The following FAF1 variants were observed in gnomAD, a reference collection of about 807,000 sequenced individuals.
The protein encoded by FAF1 is Fas associated factor 1.
Under a neutral mutation model 92.5 loss-of-function variants are expected in FAF1, and 25 were observed. That is an observed-to-expected ratio of 0.27 (90% CI 0.20 to 0.38). FAF1 has a LOEUF of 0.38. Ranked by LOEUF, FAF1 falls within the 10% of genes least tolerant of loss-of-function variation. The pLI is 1.00. For synonymous variants in FAF1, 234 were observed against 273.2 expected, an observed-to-expected ratio of 0.86 and a Z score of 1.42; for missense variants, 636 against 793.3, an observed-to-expected ratio of 0.80 and a Z score of 2.38.
intron 6 of FAF1, 82 bp downstream of exon 6, chr1:50,738,780 AT>A (rs1659241628): frequency 2.4e-6 from 2 of 847,488 alleles, no homozygotes; most frequent in Non-Finnish European, 3.9e-6. Context: ...ATTTGATTTA[AT>A]TTTGAGGTTT....
At chr1:50,855,897 T>C (rs1013693231) in intron 2 of FAF1, among the ~76,000 whole-genome samples, 1 of 151,828 alleles carries the variant, frequency 6.6e-6, no homozygotes, top group Admixed American at 6.6e-5. Flanking sequence ...TGCACAAATA[T>C]AACACCAGTG....
chr1:50,884,148 C>T (rs927667329), intron 1 of FAF1, among the ~76,000 whole-genome samples: 2 of 152,018 alleles, frequency 1.3e-5, no homozygotes, highest in Non-Finnish European at 2.9e-5. Flanking sequence ...ATGATGTCTA[C>T]AAGTTACTTT....
At chr1:50,550,159 G>A (rs1649238585) in intron 13 of FAF1, among the ~76,000 whole-genome samples, 4 of 151,886 alleles carry the variant, frequency 2.6e-5, no homozygotes, top group Admixed American at 1.3e-4. Context: ...AGCCCATCCT[G>A]GCTAACATGG....
rs375037535 is a variant in FAF1, at chr1:50,539,677, A to G, written c.1320T>C (p.Ile440=). ...GAAACTGATCCGTTTTTTGAGTCCG[A>G]ATGGTTTGTGCCACAACACTGCCAA... ...RHFGSVVAQT[I]RTQKTDQFPL... is the part of the protein sequence containing the mutation. The change falls in exon 14 of 19, where the codon ATT becomes ATC. Residue 440 remains isoleucine (I), a synonymous_variant. Coordinates refer to ENST00000396153, the MANE Select transcript of FAF1 (RefSeq NM_007051.3). 7 of 1,612,338 alleles carry G rather than the reference A, an allele frequency of 4.3e-6. No homozygotes were observed. The highest frequency in any genetic ancestry group is 5.9e-6 in the Non-Finnish European group (7 of 1,178,678).
At chr1:50,609,190 T>G (rs1342716748) in intron 8 of FAF1, among the ~76,000 whole-genome samples, 1 of 152,242 alleles carries the variant, frequency 6.6e-6, no homozygotes, top group Non-Finnish European at 1.5e-5. Context: ...GGCTTTAGGT[T>G]TGTGAATAAA....
intron 7 of FAF1, among the ~76,000 whole-genome samples, chr1:50,655,923 G>A (rs1655087824): frequency 6.6e-6 from 1 of 152,138 alleles, no homozygotes; most frequent in East Asian, 1.9e-4. Context: ...GTTTCTATGT[G>A]GAATAGTGAA....
intron 1 of FAF1, among the ~76,000 whole-genome samples, chr1:50,901,479 T>C (rs1419238214): frequency 1.3e-5 from 2 of 152,026 alleles, no homozygotes; most frequent in African/African-American, 4.8e-5. Context: ...GAAGATTGCT[T>C]GAGCCCAGGA....
chr1:50,933,790 T>G (rs1243361389), intron 1 of FAF1, among the ~76,000 whole-genome samples: 1 of 152,212 alleles, frequency 6.6e-6, no homozygotes, highest in Admixed American at 6.5e-5. Context: ...TCCACATGGC[T>G]GGGGAGACCT....
intron 1 of FAF1, among the ~76,000 whole-genome samples, chr1:50,946,235 T>C (rs866431595): frequency 1.1e-4 from 17 of 152,332 alleles, no homozygotes; most frequent in African/African-American, 3.8e-4. Context: ...ACAGAAGCTT[T>C]TGCCCAATCA....
intron 18 of FAF1, among the ~76,000 whole-genome samples, chr1:50,444,837 T>C (rs1485464490): frequency 2.0e-5 from 3 of 150,480 alleles, no homozygotes; most frequent in Non-Finnish European, 1.5e-5. Flanking sequence ...TAAGGTTTCA[T>C]ACTCAGGTCT....
intron 17 of FAF1, among the ~76,000 whole-genome samples, chr1:50,485,691 A>C (rs1470837584): frequency 6.7e-6 from 1 of 149,318 alleles, no homozygotes; most frequent in Non-Finnish European, 1.5e-5. Flanking sequence ...AAAAAAAAAA[A>C]AAAAACCAAA....
chr1:50,763,229 A>G (rs1660420720), intron 4 of FAF1, among the ~76,000 whole-genome samples: 1 of 152,220 alleles, frequency 6.6e-6, no homozygotes, highest in East Asian at 1.9e-4. Context: ...CTGCACTCCA[A>G]CCTGGGTGAC....
chr1:50,535,889 T>C (rs906164366), intron 14 of FAF1, among the ~76,000 whole-genome samples: 9 of 152,206 alleles, frequency 5.9e-5, no homozygotes, highest in Non-Finnish European at 1.2e-4. Context: ...GGATTCATTA[T>C]GATTTGGTTT....
chr1:50,675,422 A>G (rs1358670569), intron 7 of FAF1, among the ~76,000 whole-genome samples: 2 of 152,218 alleles, frequency 1.3e-5, no homozygotes, highest in Non-Finnish European at 2.9e-5. Context: ...TCGAGGATAC[A>G]ATATTGGAAT....
At chr1:50,595,397 T>C (rs1651750004) in intron 9 of FAF1, among the ~76,000 whole-genome samples, 1 of 152,204 alleles carries the variant, frequency 6.6e-6, no homozygotes, top group South Asian at 2.1e-4. Context: ...CACTTTGGTA[T>C]AGGTATAGTG....
chr1:50,467,499 G>A (rs1481260214), intron 18 of FAF1, among the ~76,000 whole-genome samples: 1 of 152,064 alleles, frequency 6.6e-6, no homozygotes, highest in African/African-American at 2.4e-5. Flanking sequence ...ATTTTTAGTA[G>A]AGGCGGGGTT....
intron 1 of FAF1, among the ~76,000 whole-genome samples, chr1:50,890,974 C>T (rs967024735): frequency 2.0e-5 from 3 of 152,184 alleles, no homozygotes; most frequent in African/African-American, 7.2e-5. Context: ...TGGTTCCATT[C>T]TCCCCGTCAC....
chr1:50,772,259 T>G (rs1179110033), intron 4 of FAF1, among the ~76,000 whole-genome samples: 1 of 152,204 alleles, frequency 6.6e-6, no homozygotes, highest in Admixed American at 6.5e-5. Context: ...GGAATGTAAA[T>G]TAGTTCAGCC....
chr1:50,721,770 C>G (rs147517574), intron 6 of FAF1, among the ~76,000 whole-genome samples: 1 of 152,142 alleles, frequency 6.6e-6, no homozygotes, highest in Non-Finnish European at 1.5e-5. Flanking sequence ...ACTACAGGCA[C>G]GTGCCACTAT....
Sources: allele counts gnomAD v4.1 joint callset (sites outside exome capture counted in the v4.1 genomes callset), GRCh38; gene constraint gnomAD v4.1.1; transcripts MANE v1.5; gene names NCBI Gene and HGNC (gene_info 2026-07-23, HGNC 2026-07-21).